Variants in ROBO2 observed in about 807,000 individuals in gnomAD.
ROBO2 encodes the protein roundabout guidance receptor 2, also known as roundabout homolog 2.
A neutral mutation model predicts 160.8 loss-of-function variants in ROBO2; 53 were observed. The observed-to-expected ratio is 0.33, with a 90% CI of 0.26 to 0.41. The LOEUF is 0.41. Ranked by LOEUF, ROBO2 falls within the 10% of genes least tolerant of loss-of-function variation. The pLI is 1.00. For missense variants in ROBO2, 1,577 were observed against 1,722.4 expected (o/e 0.92, Z 1.49); for synonymous variants, 664 against 611.7 (o/e 1.09, Z -1.26).
chr3:76,161,983 A>G (rs1372070873), intron 2 of ROBO2, among the ~76,000 whole-genome samples: 1 of 152,176 alleles, frequency 6.6e-6, no homozygotes, highest in Non-Finnish European at 1.5e-5. Context: ...ATATGTGGCT[A>G]TGTAGTTTGT....
intron 2 of ROBO2, among the ~76,000 whole-genome samples, chr3:77,385,087 T>G (rs2153491836): frequency 6.6e-6 from 1 of 152,352 alleles, no homozygotes; most frequent in Non-Finnish European, 1.5e-5. Context: ...TGGAGTGCAG[T>G]GGCATGATCT....
chr3:76,084,032 A>T (rs1422345112), intron 2 of ROBO2, among the ~76,000 whole-genome samples: 1 of 152,042 alleles, frequency 6.6e-6, no homozygotes, highest in Non-Finnish European at 1.5e-5. Context: ...TGTGTTGGGG[A>T]AAAAAATCCA....
chr3:77,197,686 G>C (rs930550871), intron 2 of ROBO2, among the ~76,000 whole-genome samples: 8 of 152,300 alleles, frequency 5.3e-5, no homozygotes, highest in African/African-American at 1.9e-4. Flanking sequence ...CAGAATAAAG[G>C]TCTCTAAAGA....
At chr3:76,168,618 G>C (rs78077258) in intron 2 of ROBO2, among the ~76,000 whole-genome samples, 1 of 152,030 alleles carries the variant, frequency 6.6e-6, no homozygotes, top group East Asian at 1.9e-4. Flanking sequence ...AAATGGACCT[G>C]TATTCCTTTA....
chr3:77,436,259 G>A (rs147817199), intron 2 of ROBO2, among the ~76,000 whole-genome samples: 84 of 151,708 alleles, frequency 5.5e-4, no homozygotes, highest in African/African-American at 2.0e-3. Flanking sequence ...TAATTAATCA[G>A]ACTGTGAGAT....
chr3:77,548,570 A>T (rs1399446362), intron 7 of ROBO2, among the ~76,000 whole-genome samples: 2 of 152,216 alleles, frequency 1.3e-5, no homozygotes, highest in South Asian at 4.1e-4. Context: ...CTTAATAAAC[A>T]TAGGATATTT....
chr3:77,589,782 T>A (rs1223819789), intron 17 of ROBO2, among the ~76,000 whole-genome samples: 1 of 152,124 alleles, frequency 6.6e-6, no homozygotes, highest in African/African-American at 2.4e-5. Flanking sequence ...TTATTTTAAA[T>A]ATTTTCTCCA....
At chr3:76,969,405 G>C (rs376431289) in intron 2 of ROBO2, among the ~76,000 whole-genome samples, 1 of 152,214 alleles carries the variant, frequency 6.6e-6, no homozygotes, top group African/African-American at 2.4e-5. Flanking sequence ...TTTGTTGCAA[G>C]AGACTCTTTA....
At chr3:76,094,065 A>G (rs990479595) in intron 2 of ROBO2, among the ~76,000 whole-genome samples, 2 of 152,168 alleles carry the variant, frequency 1.3e-5, no homozygotes, top group African/African-American at 4.8e-5. Context: ...CCACAGGTAC[A>G]TGGAGCCCTG....
chr3:76,303,052 A>T (rs2071149652), intron 2 of ROBO2, among the ~76,000 whole-genome samples: 1 of 152,164 alleles, frequency 6.6e-6, no homozygotes, highest in Non-Finnish European at 1.5e-5. Flanking sequence ...CCAATAAACC[A>T]TGTCAACCTT....
chr3:77,269,161 C>A (rs2059327263), intron 2 of ROBO2, among the ~76,000 whole-genome samples: 1 of 152,168 alleles, frequency 6.6e-6, no homozygotes, highest in Middle Eastern at 3.4e-3. Context: ...TAGTGAAAAT[C>A]CAGCTTTCTG....
At chr3:77,218,787 G>A (rs547014508) in intron 2 of ROBO2, among the ~76,000 whole-genome samples, 12 of 152,258 alleles carry the variant, frequency 7.9e-5, no homozygotes, top group East Asian at 1.9e-4. Context: ...TGACTAATGC[G>A]TCTGACTTTT....
chr3:76,555,371 A>G (rs973935324), intron 2 of ROBO2, among the ~76,000 whole-genome samples: 3 of 49,772 alleles, frequency 6.0e-5, no homozygotes, highest in African/African-American at 7.7e-5. Context: ...AAGAAGAAGA[A>G]GAAGAAGAAG....
intron 2 of ROBO2, among the ~76,000 whole-genome samples, chr3:76,442,085 A>G (rs950875821): frequency 1.3e-5 from 2 of 152,212 alleles, no homozygotes; most frequent in Non-Finnish European, 2.9e-5. Context: ...ATTTTCTCAC[A>G]GGGCAGAAGA....
chr3:77,310,361 T>A (rs2063443069), intron 2 of ROBO2, among the ~76,000 whole-genome samples: 1 of 152,110 alleles, frequency 6.6e-6, no homozygotes, highest in South Asian at 2.1e-4. Flanking sequence ...GAAATTAAAT[T>A]GAGAAAGATG....
chr3:76,129,420 A>G (rs2071135396), intron 2 of ROBO2, among the ~76,000 whole-genome samples: 2 of 152,164 alleles, frequency 1.3e-5, no homozygotes, highest in Admixed American at 6.5e-5. Flanking sequence ...TTGGAGGCCA[A>G]TTGAAATGCA....
At chr3:77,396,857 T>C (rs2075332185) in intron 2 of ROBO2, among the ~76,000 whole-genome samples, 1 of 152,134 alleles carries the variant, frequency 6.6e-6, no homozygotes. Context: ...CGTGATACTA[T>C]GAACCTATAA....
chr3:75,999,045 G>A (rs758247698), intron 2 of ROBO2, among the ~76,000 whole-genome samples: 6 of 152,146 alleles, frequency 3.9e-5, no homozygotes, highest in Non-Finnish European at 7.4e-5. Flanking sequence ...AGAGTGTAGT[G>A]AATAGTCAAA....
intron 2 of ROBO2, among the ~76,000 whole-genome samples, chr3:76,983,705 A>AT (rs1420370894): frequency 1.3e-5 from 2 of 152,208 alleles, no homozygotes; most frequent in Non-Finnish European, 2.9e-5. Flanking sequence ...CAATAGAGTG[A>AT]TTTTACATAC....
Sources: gnomAD v4.1 joint callset for allele counts (sites outside exome capture counted in the v4.1 genomes callset) on GRCh38, gnomAD v4.1.1 for gene constraint, MANE v1.5 for transcripts, NCBI Gene and HGNC (gene_info 2026-07-23, HGNC 2026-07-21) for gene names.